Variants in GRIK2 observed in about 807,000 individuals in gnomAD.
GRIK2 encodes glutamate receptor ionotropic, kainate 2.
Under a neutral mutation model 100.3 loss-of-function variants are expected in GRIK2, and 32 were observed. The ratio of observed to expected loss-of-function variants is 0.32; its 90% CI spans 0.24 to 0.43. GRIK2 has a LOEUF of 0.43. Ranked by LOEUF, GRIK2 falls within the 20% of genes least tolerant of loss-of-function variation. The pLI is 1.00. For synonymous variants in GRIK2, 417 were observed against 389.4 expected, an observed-to-expected ratio of 1.07 and a Z score of -0.83; for missense variants, 843 against 1,114.9, an observed-to-expected ratio of 0.76 and a Z score of 3.47.
At chr6:101,430,646 A>T (rs948970140) in intron 2 of GRIK2, 2 of 166,784 alleles carry the variant, frequency 1.2e-5, no homozygotes, top group African/African-American at 4.8e-5. Context: ...ACACTTCATG[A>T]CAGAGTTGAA....
chr6:101,529,076 A>C (rs943416410), intron 2 of GRIK2, among the ~76,000 whole-genome samples: 1 of 152,272 alleles, frequency 6.6e-6, no homozygotes, highest in Middle Eastern at 3.4e-3. Flanking sequence ...ATTAACAAAA[A>C]GTAGGAGTGC....
At chr6:101,479,462 T>C (rs2749065) in intron 2 of GRIK2, among the ~76,000 whole-genome samples, 22,349 of 152,152 alleles carry the variant, frequency 0.15, 1,667 homozygotes, top group African/African-American at 0.16. Context: ...TTATAAATAG[T>C]CCTACATACC....
At chr6:101,687,454 C>T (rs1771777189) in intron 7 of GRIK2, among the ~76,000 whole-genome samples, 1 of 151,948 alleles carries the variant, frequency 6.6e-6, no homozygotes, top group South Asian at 2.1e-4. Context: ...TCTATCCTTA[C>T]ATGTATGTAG....
intron 7 of GRIK2, among the ~76,000 whole-genome samples, chr6:101,725,694 A>G (rs1306083147): frequency 1.3e-5 from 2 of 151,988 alleles, no homozygotes; most frequent in African/African-American, 4.8e-5. Context: ...CTATGCTAAG[A>G]TTAAGTGTAC....
intron 14 of GRIK2, among the ~76,000 whole-genome samples, chr6:102,020,483 A>T (rs1424949385): frequency 6.6e-6 from 1 of 151,848 alleles, no homozygotes; most frequent in African/African-American, 2.4e-5. Context: ...AAACCATCCT[A>T]AGAAGATTCT....
intron 4 of GRIK2, among the ~76,000 whole-genome samples, chr6:101,667,191 A>G (rs1323364635): frequency 2.0e-5 from 3 of 152,076 alleles, no homozygotes; most frequent in African/African-American, 7.2e-5. Flanking sequence ...TCCATGACTT[A>G]CCTACAAAAG....
intron 2 of GRIK2, among the ~76,000 whole-genome samples, chr6:101,565,923 A>G (rs1328323243): frequency 9.2e-6 from 1 of 108,236 alleles, no homozygotes; most frequent in Non-Finnish European, 1.9e-5. Flanking sequence ...TTTTATATAT[A>G]TATATATATG....
intron 7 of GRIK2, among the ~76,000 whole-genome samples, chr6:101,779,930 A>G (rs1210409275): frequency 6.6e-6 from 1 of 152,094 alleles, no homozygotes; most frequent in Non-Finnish European, 1.5e-5. Context: ...AGATTATCTT[A>G]TCTTCATTAT....
intron 2 of GRIK2, among the ~76,000 whole-genome samples, chr6:101,583,688 C>A (rs1480964168): frequency 6.6e-6 from 1 of 152,008 alleles, no homozygotes; most frequent in Non-Finnish European, 1.5e-5. Flanking sequence ...TGCAAAGTAG[C>A]CCATTGTTAT....
At position 101,903,784 on chromosome 6, in the gene GRIK2, C is replaced by CAA. The variant is rs11411245; in HGVS notation, c.1748+13931_1748+13932dup. Reference sequence around the variant, plus strand: ...CTCTATAGCCATGAAGAAGTTGGAGCAAAAAAAAAAATAATAGTTGGTAAA... The same window carrying CAA: ...CTCTATAGCCATGAAGAAGTTGGAGCAAAAAAAAAAAAATAATAGTTGGTAAA... On this transcript the variant is annotated intron_variant, in intron 12 of 16. Coordinates refer to ENST00000369134, the MANE Select transcript of GRIK2 (RefSeq NM_021956.5). Among the ~76,000 whole-genome samples the CAA allele has an allele frequency of 5.3e-3, 784 of 147,832 alleles. 7 individuals are homozygous for CAA. Among genetic ancestry groups the CAA allele is most frequent in the African/African-American group, 0.016 (654 of 40,680 alleles).
intron 7 of GRIK2, among the ~76,000 whole-genome samples, chr6:101,793,556 G>T (rs1053618447): frequency 3.9e-5 from 6 of 152,088 alleles, no homozygotes; most frequent in African/African-American, 1.4e-4. Context: ...CTGTCTGATC[G>T]TTCCTCTGGA....
At chr6:101,839,489 C>CCTT (rs57822525) in intron 10 of GRIK2, among the ~76,000 whole-genome samples, 13,511 of 151,988 alleles carry the variant, frequency 0.089, 1,614 homozygotes, top group African/African-American at 0.28. Flanking sequence ...AAGTAGAAAG[C>CCTT]CTTTGTAAGT....
chr6:101,730,435 C>A (rs1775182216), intron 7 of GRIK2, among the ~76,000 whole-genome samples: 1 of 151,942 alleles, frequency 6.6e-6, no homozygotes, highest in Admixed American at 6.6e-5. Context: ...TATTTACTTT[C>A]TCACTGGATT....
chr6:101,531,913 A>G (rs1052527121), intron 2 of GRIK2, among the ~76,000 whole-genome samples: 1 of 151,882 alleles, frequency 6.6e-6, no homozygotes, highest in Non-Finnish European at 1.5e-5. Context: ...AGGTCTCATA[A>G]TTGCTCTTGG....
intron 2 of GRIK2, among the ~76,000 whole-genome samples, chr6:101,582,821 G>T (rs1778166411): frequency 6.6e-6 from 1 of 152,064 alleles, no homozygotes; most frequent in African/African-American, 2.4e-5. Context: ...AAGCTTCTGT[G>T]TACCTATTCC....
At chr6:101,399,423 G>A (rs577002389) in intron 2 of GRIK2, 31 bp downstream of exon 2, 15 of 1,108,162 alleles carry the variant, frequency 1.4e-5, no homozygotes, top group Admixed American at 3.4e-5. Context: ...TGGTTGCCTG[G>A]TATCCGCTCC....
At chr6:102,064,394 T>C in intron 16 of GRIK2, among the ~76,000 whole-genome samples, 1 of 133,138 alleles carries the variant, frequency 7.5e-6, no homozygotes, top group Non-Finnish European at 1.7e-5. Context: ...TTCCTTTCTC[T>C]CTCTCTCTCT....
At chr6:101,708,752 C>T (rs1773508487) in intron 7 of GRIK2, among the ~76,000 whole-genome samples, 1 of 151,704 alleles carries the variant, frequency 6.6e-6, no homozygotes, top group African/African-American at 2.4e-5. Context: ...TAATTTTTGA[C>T]ATATATTTTC....
intron 7 of GRIK2, among the ~76,000 whole-genome samples, chr6:101,732,967 C>T (rs1315623728): frequency 1.3e-5 from 2 of 152,034 alleles, no homozygotes; most frequent in African/African-American, 4.8e-5. Flanking sequence ...GAGAGTCCCA[C>T]TCTCAGGATC....
Sources: gnomAD v4.1 joint callset for allele counts (sites outside exome capture counted in the v4.1 genomes callset) on GRCh38, gnomAD v4.1.1 for gene constraint, MANE v1.5 for transcripts, NCBI Gene and HGNC (gene_info 2026-07-23, HGNC 2026-07-21) for gene names.